STXBP6: variants seen among roughly 807,000 people sequenced by gnomAD.
STXBP6 encodes the protein syntaxin-binding protein 6.
In STXBP6, 21 loss-of-function variants were observed where a neutral mutation model predicts 26.9. That is an observed-to-expected ratio of 0.78 (90% CI 0.55 to 1.12). The LOEUF (loss-of-function observed/expected upper bound fraction) is 1.12, where lower values mean the gene tolerates loss of function less well. Ranked by LOEUF, STXBP6 falls within the 50% of genes most tolerant of loss-of-function variation. STXBP6 has a pLI of 0.00. For synonymous variants in STXBP6, 97 were observed against 92.6 expected (o/e 1.05, Z -0.27); for missense variants, 232 against 257.9 (o/e 0.90, Z 0.69).
At chr14:24,992,730 C>T (rs1486853168) in intron 1 of STXBP6, among the ~76,000 whole-genome samples, 5 of 152,252 alleles carry the variant, frequency 3.3e-5, no homozygotes, top group South Asian at 2.1e-4. Context: ...TATGTATGTG[C>T]GAAACATCAA....
At chr14:24,976,852 C>CTTTTT (rs71121808) in intron 1 of STXBP6, among the ~76,000 whole-genome samples, 1,455 of 45,276 alleles carry the variant, frequency 0.032, 243 homozygotes, top group African/African-American at 0.053. Flanking sequence ...ACTGGGCGCT[C>CTTTTT]TTTTTTTTTT....
At chr14:24,842,216 T>G (rs567188041) in intron 4 of STXBP6, among the ~76,000 whole-genome samples, 262 of 152,306 alleles carry the variant, frequency 1.7e-3, no homozygotes, top group Non-Finnish European at 2.8e-3. Context: ...TATAAGCCAC[T>G]TCCCTAAGGA....
chr14:24,911,672 T>G (rs2139727509), intron 2 of STXBP6, among the ~76,000 whole-genome samples: 1 of 152,230 alleles, frequency 6.6e-6, no homozygotes, highest in Middle Eastern at 3.4e-3. Flanking sequence ...GGCAATTCCT[T>G]TACACAACCA....
intron 2 of STXBP6, among the ~76,000 whole-genome samples, chr14:24,894,809 C>T (rs1241596): frequency 0.66 from 100,589 of 151,820 alleles, 33,440 homozygotes; most frequent in East Asian, 0.76. Flanking sequence ...TCATGGAGAC[C>T]GTGGCTTCCC....
At chr14:24,900,363 C>G (rs1434473052) in intron 2 of STXBP6, among the ~76,000 whole-genome samples, 1 of 152,156 alleles carries the variant, frequency 6.6e-6, no homozygotes, top group Non-Finnish European at 1.5e-5. Flanking sequence ...TGTAAAACAT[C>G]GGACTCCAAC....
intron 2 of STXBP6, among the ~76,000 whole-genome samples, chr14:24,869,047 C>T (rs966341442): frequency 2.6e-5 from 4 of 152,220 alleles, no homozygotes; most frequent in East Asian, 1.9e-4. Flanking sequence ...TGTAAGACTA[C>T]GTCTTTGCAT....
intron 2 of STXBP6, among the ~76,000 whole-genome samples, chr14:24,897,081 T>C (rs1389803881): frequency 6.6e-6 from 1 of 152,166 alleles, no homozygotes; most frequent in Non-Finnish European, 1.5e-5. Flanking sequence ...TTTAGAAATT[T>C]TGGATTTCCA....
chr14:24,901,182 A>G (rs2071198966), intron 2 of STXBP6, among the ~76,000 whole-genome samples: 1 of 151,902 alleles, frequency 6.6e-6, no homozygotes, highest in African/African-American at 2.4e-5. Context: ...TTACCTACTA[A>G]AAGGCAGGAC....
At chr14:24,988,710 C>T (rs1187030779) in intron 1 of STXBP6, among the ~76,000 whole-genome samples, 2 of 152,128 alleles carry the variant, frequency 1.3e-5, no homozygotes, top group Admixed American at 1.3e-4. Context: ...CTTCAGCCGA[C>T]GGAGACAGAC....
intron 2 of STXBP6, among the ~76,000 whole-genome samples, chr14:24,951,202 G>C (rs535606190): frequency 6.6e-6 from 1 of 152,254 alleles, no homozygotes; most frequent in Middle Eastern, 3.4e-3. Flanking sequence ...ATAAACATAC[G>C]TGTGCATGTG....
chr14:24,928,407 G>A (rs1212559920), intron 2 of STXBP6, among the ~76,000 whole-genome samples: 1 of 149,778 alleles, frequency 6.7e-6, no homozygotes, highest in Non-Finnish European at 1.5e-5. Context: ...TTTCCTCCAA[G>A]TTTTCTTTTT....
chr14:24,994,245 C>T (rs1020269115), intron 1 of STXBP6, among the ~76,000 whole-genome samples: 3 of 152,172 alleles, frequency 2.0e-5, no homozygotes, highest in Non-Finnish European at 4.4e-5. Flanking sequence ...TGATGACCTT[C>T]TTGCCTCCAT....
chr14:25,047,107 A>G (rs1018017276), intron 1 of STXBP6, among the ~76,000 whole-genome samples: 2 of 152,200 alleles, frequency 1.3e-5, no homozygotes, highest in Admixed American at 6.5e-5. Flanking sequence ...TCTGTCCTCC[A>G]ACCTTAAGGT....
intron 1 of STXBP6, among the ~76,000 whole-genome samples, chr14:25,004,152 T>A (rs2140345321): frequency 6.6e-6 from 1 of 152,240 alleles, no homozygotes; most frequent in Admixed American, 6.5e-5. Context: ...AGGCAGCTGA[T>A]CCTCAAATTC....
chr14:24,931,682 A>T (rs2181629), intron 2 of STXBP6, among the ~76,000 whole-genome samples: 4 of 151,368 alleles, frequency 2.6e-5, no homozygotes, highest in Admixed American at 6.6e-5. Flanking sequence ...AAGAATGAGA[A>T]GGGTAAGTCC....
chr14:24,865,394 G>A (rs923683185), intron 2 of STXBP6, among the ~76,000 whole-genome samples: 2 of 152,132 alleles, frequency 1.3e-5, no homozygotes, highest in African/African-American at 4.8e-5. Context: ...CAGATTCCCT[G>A]AGTTGAAGCG....
At chr14:24,826,211 A>G (rs2068276983) in intron 4 of STXBP6, among the ~76,000 whole-genome samples, 2 of 151,682 alleles carry the variant, frequency 1.3e-5, no homozygotes, top group Non-Finnish European at 2.9e-5. Context: ...ATTTTCTTCA[A>G]CATACTTGCT....
At chr14:24,925,260 C>T (rs948959123) in intron 2 of STXBP6, among the ~76,000 whole-genome samples, 5 of 152,180 alleles carry the variant, frequency 3.3e-5, no homozygotes, top group Admixed American at 2.0e-4. Context: ...TTACAAGATG[C>T]ACATAGATGA....
chr14:25,043,156 A>G (rs2075670074), intron 1 of STXBP6, among the ~76,000 whole-genome samples: 2 of 152,222 alleles, frequency 1.3e-5, no homozygotes, highest in Admixed American at 1.3e-4. Context: ...ACACTCAGAT[A>G]TGAAGATGAC....
Sources: gnomAD v4.1 joint callset for allele counts (sites outside exome capture counted in the v4.1 genomes callset) on GRCh38, gnomAD v4.1.1 for gene constraint, MANE v1.5 for transcripts, NCBI Gene and HGNC (gene_info 2026-07-23, HGNC 2026-07-21) for gene names.